PSG11: variants seen among roughly 807,000 people sequenced by gnomAD.
PSG11 encodes pregnancy-specific beta-1-glycoprotein 11.
In PSG11, 42 loss-of-function variants were observed where a neutral mutation model predicts 36.0. That is an observed-to-expected ratio of 1.17 (90% CI 0.91 to 1.51). PSG11 has a LOEUF of 1.51. PSG11 is among the 40% of genes most tolerant of loss of function. The pLI, the probability that PSG11 is intolerant of heterozygous loss-of-function variation, is 0.00. For missense variants in PSG11, 558 were observed against 403.5 expected, an observed-to-expected ratio of 1.38 and a Z score of -3.28; for synonymous variants, 206 against 153.5, an observed-to-expected ratio of 1.34 and a Z score of -2.53.
chr19:43,021,240 G>T (rs1221990269), intron 2 of PSG11, among the ~76,000 whole-genome samples: 1 of 151,172 alleles, frequency 6.6e-6, no homozygotes, highest in African/African-American at 2.4e-5. Flanking sequence ...ACTCTTTTTG[G>T]ACTTTCCTGT....
At chr19:43,021,372 C>A (rs1333498258) in intron 2 of PSG11, among the ~76,000 whole-genome samples, 1 of 151,036 alleles carries the variant, frequency 6.6e-6, no homozygotes, top group African/African-American at 2.4e-5. Flanking sequence ...TTTATTTTTT[C>A]TGAGAGAGAC....
chr19:43,025,550 C>T (rs1046749946), intron 1 of PSG11, among the ~76,000 whole-genome samples: 6 of 151,092 alleles, frequency 4.0e-5, no homozygotes, highest in Admixed American at 4.0e-4. Flanking sequence ...AGCATGAGCT[C>T]CGTGAGGACA....
In PSG11 at chr19:43,018,848, T is replaced by C. The variant is rs1300477371; in HGVS notation, c.631A>G (p.Thr211Ala). The change falls in exon 3 of 6, where the codon ACT becomes GCT. Residue 211 changes from threonine to alanine, a missense_variant. Thr to Ala is a moderately conservative substitution (Grantham distance 58, BLOSUM62 0). Coordinates refer to ENST00000320078, the MANE Select transcript of PSG11 (RefSeq NM_002785.3). ...ATTTCACATTCATAGGGTCCTGCAGTATACTTTGTGACACCAAATAGAAAG... is the reference window on the plus strand; with the variant it reads ...ATTTCACATTCATAGGGTCCTGCAGCATACTTTGTGACACCAAATAGAAAG... ...TLFLFGVTKY[T>A]AGPYECEIWN... 1.9e-6 allele frequency: 3 copies of C among 1,611,992 alleles called. No individual in the cohort carries two copies. In the African/African-American group the frequency reaches 4.0e-5, roughly 22 times the overall value.
At chr19:43,008,661 A>G (rs537213708) in intron 5 of PSG11, among the ~76,000 whole-genome samples, 2 of 151,488 alleles carry the variant, frequency 1.3e-5, no homozygotes, top group African/African-American at 2.4e-5. Flanking sequence ...AATGCTTTCT[A>G]TATAATGTAA....
chr19:43,021,839 T>C (rs746631696), intron 2 of PSG11, among the ~76,000 whole-genome samples: 1 of 151,280 alleles, frequency 6.6e-6, no homozygotes, highest in Non-Finnish European at 1.5e-5. Context: ...TGAAATGAGC[T>C]CATGGGCTTT....
chr19:43,009,914 A>G, intron 5 of PSG11, 44 bp downstream of exon 5: 3 of 1,418,760 alleles, frequency 2.1e-6, no homozygotes, highest in Non-Finnish European at 3.0e-6. Flanking sequence ...CAAGCATGGC[A>G]GTCAGCCCTG....
chr19:43,010,158 T>C, intron 4 of PSG11, 117 bp from the exon 5 acceptor site: 2 of 1,473,230 alleles, frequency 1.4e-6, no homozygotes, highest in Non-Finnish European at 1.8e-6. Context: ...AGGACTACAT[T>C]ATTTCTGTTG....
rs187707596 is a variant in PSG11, at chr19:43,007,763, A to G, written c.*320T>C. 40 of 245,338 alleles carry G rather than the reference A, an allele frequency of 1.6e-4. 2 individuals carry two copies. In the South Asian group the frequency reaches 1.8e-3, roughly 11 times the overall value. 15.2% of individuals were successfully genotyped at this position (245,338 alleles called of 1,614,324 possible). ...AAAGCAAATGTTTCAATTTTTGTTT[A>G]CAAAAGTATACTTTACCAATTGCTG... On this transcript the variant is annotated 3_prime_UTR_variant, in exon 6 of 6. Transcript: ENST00000320078.
At position 43,015,408 on chromosome 19, in the gene PSG11, T is replaced by A. The variant is rs747796529; in HGVS notation, c.710-38A>T. On this transcript the variant is annotated intron_variant, in intron 3 of 5. Transcript: ENST00000320078. ...GAATAAAGCCACAGTTGATGTCATC[T>A]GAGGGAAGGGGAAGCTCCTTGTCTC... is the stretch of plus-strand genomic sequence containing the variant. 17 of 1,585,536 alleles carry A rather than the reference T, an allele frequency of 1.1e-5. 2 individuals carry two copies. The East Asian group carries it at 3.6e-4, about 33-fold the overall frequency.
At chr19:43,016,397 C>T (rs1465178749) in intron 3 of PSG11, among the ~76,000 whole-genome samples, 1 of 151,308 alleles carries the variant, frequency 6.6e-6, no homozygotes, top group East Asian at 1.9e-4. Context: ...GAATGTGCAA[C>T]TGCTGGGCCC....
At chr19:43,022,261 G>A (rs951245249) in intron 2 of PSG11, among the ~76,000 whole-genome samples, 9 of 151,374 alleles carry the variant, frequency 5.9e-5, no homozygotes, top group African/African-American at 1.5e-4. Flanking sequence ...ATTGTAGAAC[G>A]TGAGATTGGT....
chr19:43,014,242 C>G (rs559876642), intron 4 of PSG11: 9 of 651,332 alleles, frequency 1.4e-5, no homozygotes, highest in African/African-American at 2.0e-5. Context: ...TAATGGTAAG[C>G]CTTATATTAG....
chr19:43,015,526 C>CA (rs1966940949), intron 3 of PSG11, among the ~76,000 whole-genome samples, 156 bp from the exon 4 acceptor site: 1 of 151,372 alleles, frequency 6.6e-6, no homozygotes, highest in Non-Finnish European at 1.5e-5. Flanking sequence ...CTGAAGTATT[C>CA]ACCTGTTTCT....
intron 3 of PSG11, among the ~76,000 whole-genome samples, chr19:43,016,798 T>G (rs1045813951): frequency 6.6e-6 from 1 of 151,488 alleles, no homozygotes; most frequent in Non-Finnish European, 1.5e-5. Flanking sequence ...TAAGTTTCCT[T>G]TCCTTCTGCA....
chr19:43,015,946 G>A (rs755556790), intron 3 of PSG11: 2 of 1,610,112 alleles, frequency 1.2e-6, no homozygotes, highest in Non-Finnish European at 1.7e-6. Flanking sequence ...CCAAATGTAG[G>A]CATAGTTCTC....
At chr19:43,018,165 T>G (rs148598886) in intron 3 of PSG11, among the ~76,000 whole-genome samples, 1 of 151,010 alleles carries the variant, frequency 6.6e-6, no homozygotes, top group South Asian at 2.1e-4. Context: ...AGTGGCTGAG[T>G]TATGGATGAA....
At position 43,015,720 on chromosome 19, in the gene PSG11, G is replaced by A. The variant is rs569893200; in HGVS notation, c.710-350C>T. 8.2e-4 allele frequency: 1,316 copies of A among 1,602,108 alleles called. 60 individuals carry two copies. The African/African-American group carries it at 0.016, about 19-fold the overall frequency. ...AGACTGAGAGGCCTGGCCCCTGGTC[G>A]TTTGGATTTAAGCTGGTGTCCTGGC... On this transcript the variant is annotated intron_variant, in intron 3 of 5. Transcript: ENST00000320078.
chr19:43,014,675 A>C, intron 4 of PSG11: 1 of 1,168,204 alleles, frequency 8.6e-7, no homozygotes, highest in African/African-American at 1.6e-5. Context: ...TCCCTCACCC[A>C]AGGGGCTTCC....
rs539055026 is a variant in PSG11, at chr19:43,024,732, C to T, written c.389G>A (p.Gly130Glu). The change falls in exon 2 of 6, where the codon GGG becomes GAG. Residue 130 changes from glycine (G) to glutamate (E), a missense_variant. By Grantham distance (98) the Gly-to-Glu change is moderately conservative. Transcript: ENST00000320078. The part of the protein sequence containing the change: ...YTLHIIKRGD[G>E]TRGVTGYFTF... ...GAAATATCCAGTTACTCCTCTAGTC[C>T]CATCACCTCGCTTTATGATGTGTAA... 1.9e-6 allele frequency: 3 copies of T among 1,611,490 alleles called. No individual in the cohort carries two copies. The African/African-American group carries it at 4.0e-5, about 22-fold the overall frequency.
Sources: gnomAD v4.1 joint callset for allele counts (sites outside exome capture counted in the v4.1 genomes callset) on GRCh38, gnomAD v4.1.1 for gene constraint, MANE v1.5 for transcripts, NCBI Gene and HGNC (gene_info 2026-07-23, HGNC 2026-07-21) for gene names.